TBXAS1: variants seen among roughly 807,000 people sequenced by gnomAD.
TBXAS1 encodes thromboxane A synthase 1.
TBXAS1 carries 48 observed loss-of-function variants against 60.7 expected under a neutral mutation model. That is an observed-to-expected ratio of 0.79 (90% CI 0.63 to 1.01). The LOEUF is 1.01. Among genes scored for constraint, TBXAS1 ranks in the 50% least tolerant of loss-of-function variants. The pLI is 0.00. For missense variants in TBXAS1, 685 were observed against 686.3 expected (o/e 1.00, Z 0.02); for synonymous variants, 287 against 269.7 (o/e 1.06, Z -0.63).
At chr7:139,826,260 C>G (rs758125862), upstream of TBXAS1, among the ~76,000 whole-genome samples, 9 of 151,850 alleles carry the variant, frequency 5.9e-5, no homozygotes, top group African/African-American at 2.2e-4. Context: ...GTACAGATCC[C>G]GATGGAATGG....
At chr7:139,935,405 GTGGAATTTT>G (rs777178612) in intron 4 of TBXAS1, among the ~76,000 whole-genome samples, 3 of 152,150 alleles carry the variant, frequency 2.0e-5, no homozygotes, top group Non-Finnish European at 4.4e-5. Flanking sequence ...TTGGAACTTG[GTGGAATTTT>G]TTCTGAATAT....
intron 9 of TBXAS1, among the ~76,000 whole-genome samples, chr7:139,968,410 T>G (rs925260801): frequency 2.0e-5 from 3 of 152,198 alleles, no homozygotes; most frequent in Non-Finnish European, 4.4e-5. Flanking sequence ...TTCTCCTGCC[T>G]CAGCCTCCCA....
chr7:139,946,154 G>A (rs1052742994), intron 5 of TBXAS1, among the ~76,000 whole-genome samples: 1 of 152,260 alleles, frequency 6.6e-6, no homozygotes, highest in Non-Finnish European at 1.5e-5. Context: ...GCAACATAGG[G>A]AGACCCCGTT....
intron 12 of TBXAS1, among the ~76,000 whole-genome samples, chr7:140,018,917 C>T (rs1037830077): frequency 3.9e-5 from 6 of 152,216 alleles, no homozygotes; most frequent in Admixed American, 6.5e-5. Context: ...ATCCTGCCCA[C>T]TCCCAAGCTC....
chr7:139,843,297 C>T (rs1410403288), intron 1 of TBXAS1, among the ~76,000 whole-genome samples: 2 of 151,894 alleles, frequency 1.3e-5, no homozygotes, highest in African/African-American at 2.4e-5. Flanking sequence ...ATCTCTCTGG[C>T]TATCTCGGCA....
chr7:139,801,364 T>C (rs1156894973), intron 4 of TBXAS1, among the ~76,000 whole-genome samples: 1 of 152,224 alleles, frequency 6.6e-6, no homozygotes, highest in African/African-American at 2.4e-5. Flanking sequence ...TCTAATATCT[T>C]TAAATAGCTC....
intron 9 of TBXAS1, among the ~76,000 whole-genome samples, chr7:140,001,655 G>A (rs1213847656): frequency 6.6e-6 from 1 of 152,200 alleles, no homozygotes; most frequent in Non-Finnish European, 1.5e-5. Flanking sequence ...GCCTCCCAAA[G>A]TGCTGAGATT....
intron 4 of TBXAS1, among the ~76,000 whole-genome samples, chr7:139,787,830 G>T (rs1797246740): frequency 6.6e-6 from 1 of 152,114 alleles, no homozygotes; most frequent in Non-Finnish European, 1.5e-5. Context: ...GCCTGGGATT[G>T]CCCTCTCAGA....
rs1804561972 is a variant in TBXAS1, at chr7:139,901,367, TACTTGGAAGGACA to T, written c.237-9853_237-9841del. ...GAAGCAGGAAGACTCCCAAGGTGAC[TACTTGGAAGGACA>T]ACTTTCATTTGAAAGTAGAAGTATT... is the stretch of plus-strand genomic sequence containing the variant. On this transcript the variant is annotated intron_variant, in intron 3 of 12. Transcript: ENST00000448866. Among the ~76,000 whole-genome samples, 3 of 150,858 alleles carry T rather than the reference TACTTGGAAGGACA, an allele frequency of 2.0e-5. No individual in the cohort carries two copies. The South Asian group carries it at 6.3e-4, about 32-fold the overall frequency.
rs112715716 is a variant in TBXAS1, at chr7:140,016,196, C to A, written c.1364+336C>A. Among the ~76,000 whole-genome samples the A allele has an allele frequency of 5.9e-5, 9 of 151,976 alleles. 1 individual carries two copies. Among genetic ancestry groups the A allele is most frequent in the African/African-American group, 2.2e-4 (9 of 41,456 alleles). On this transcript the variant is annotated intron_variant, in intron 11 of 12. Transcript: ENST00000448866. The stretch of plus-strand genomic sequence containing the variant: ...ACAAAAACTTAGCTGGGCGTGGTGG[C>A]GGGCGCCTGTAGTCCCAGCTACTTG...
chr7:139,905,994 T>C (rs1019530405), intron 3 of TBXAS1: 14 of 206,856 alleles, frequency 6.8e-5, no homozygotes, highest in South Asian at 6.7e-4. Flanking sequence ...TTTAATTCTG[T>C]AGTCCATTTT....
rs117346336 is a variant in TBXAS1 at position 139,991,715 on chromosome 7, T to C, written c.1135-15376T>C. 7.8e-3 allele frequency among the ~76,000 whole-genome samples: 1,182 copies of C among 152,278 alleles called. 13 individuals carry two copies. Among genetic ancestry groups the C allele is most frequent in the Non-Finnish European group, 0.013 (884 of 68,010 alleles). ...GATGGGGAGTGGTGACTTGGCCTCA[T>C]AGGGCCATAATCACCCTTTTGGGGT... On this transcript the variant is annotated intron_variant, in intron 9 of 12. Transcript: ENST00000448866.
chr7:139,806,727 G>C (rs1797887910), intron 4 of TBXAS1, among the ~76,000 whole-genome samples: 1 of 152,000 alleles, frequency 6.6e-6, no homozygotes, highest in South Asian at 2.1e-4. Context: ...ATTATCTCCA[G>C]GGTCTCTGGC....
At chr7:139,951,721 C>T (rs1357397619) in intron 5 of TBXAS1, among the ~76,000 whole-genome samples, 4 of 143,140 alleles carry the variant, frequency 2.8e-5, no homozygotes, top group Non-Finnish European at 6.1e-5. Context: ...TGCAGTGAGC[C>T]GAGATCACAC....
chr7:139,982,003 G>A (rs1377161405), intron 9 of TBXAS1, among the ~76,000 whole-genome samples: 1 of 152,144 alleles, frequency 6.6e-6, no homozygotes, highest in African/African-American at 2.4e-5. Context: ...ACAAAGTTTT[G>A]TAGTTTGAAG....
At chr7:139,966,872 C>T (rs555704036) in intron 9 of TBXAS1, among the ~76,000 whole-genome samples, 199 of 152,312 alleles carry the variant, frequency 1.3e-3, no homozygotes, top group Non-Finnish European at 2.5e-3. Flanking sequence ...CCTTCTACCC[C>T]TCCCCCACCC....
intron 3 of TBXAS1, among the ~76,000 whole-genome samples, chr7:139,899,172 T>C (rs1009219846): frequency 1.3e-5 from 2 of 152,166 alleles, no homozygotes; most frequent in Non-Finnish European, 2.9e-5. Flanking sequence ...AATAAATGCT[T>C]TCTGAAGGGA....
rs552393902 is a variant in TBXAS1 at position 140,004,128 on chromosome 7, C to A, written c.1135-2963C>A. On this transcript the variant is annotated intron_variant, in intron 9 of 12. Coordinates refer to ENST00000448866, the MANE Select transcript of TBXAS1 (RefSeq NM_001061.7). The surrounding 1 kb of genome is among the most constrained non-coding windows in gnomAD (Gnocchi z 5.1). ...CCACCTGCTGGAGAAAAACTTTTTTCTTTGTCCCAGATCGAAATTTCCAGA... is the reference window on the plus strand; with the variant it reads ...CCACCTGCTGGAGAAAAACTTTTTTATTTGTCCCAGATCGAAATTTCCAGA... 6.3e-4 allele frequency among the ~76,000 whole-genome samples: 96 copies of A among 152,342 alleles called. No individual in the cohort carries two copies. The highest frequency in any genetic ancestry group is 2.2e-3 in the African/African-American group (93 of 41,592).
rs866376966 is a variant in TBXAS1, at chr7:139,791,375, G to T, written c.-80+3949G>T. On this transcript the variant is annotated intron_variant, in intron 4 of 16. Transcript: ENST00000336425. Reference sequence around the variant, plus strand: ...CTTCACTTCCAGCTGGCAGATAGAAGGAGAGAATGGAGGATACCCCCACGG... The same window carrying T: ...CTTCACTTCCAGCTGGCAGATAGAATGAGAGAATGGAGGATACCCCCACGG... Among the ~76,000 whole-genome samples the T allele has an allele frequency of 1.2e-4, 19 of 152,288 alleles. No homozygotes were observed. The South Asian group carries it at 1.5e-3, about 12-fold the overall frequency.
Sources: allele counts gnomAD v4.1 joint callset (sites outside exome capture counted in the v4.1 genomes callset), GRCh38; gene constraint gnomAD v4.1.1; non-coding constraint Gnocchi (gnomAD v3.1); transcripts MANE v1.5; gene names NCBI Gene and HGNC (gene_info 2026-07-23, HGNC 2026-07-21).